GPR158: variants seen among roughly 807,000 people sequenced by gnomAD.
The protein encoded by GPR158 is G protein-coupled receptor 158.
GPR158 carries 30 observed loss-of-function variants against 78.2 expected under a neutral mutation model. The ratio of observed to expected loss-of-function variants is 0.38; its 90% confidence interval spans 0.29 to 0.52. The LOEUF (loss-of-function observed/expected upper bound fraction) is 0.52, where lower values mean the gene tolerates loss of function less well. GPR158 is among the 20% of genes least tolerant of loss of function. The probability of loss-of-function intolerance (pLI) is 0.83; values close to 1 mark genes in which losing one functional copy is unlikely to be tolerated. For synonymous variants in GPR158, 581 were observed against 591.1 expected (o/e 0.98, Z 0.25); for missense variants, 1,463 against 1,523.5 (o/e 0.96, Z 0.66).
At chr10:25,578,529 G>A (rs1162197426) in intron 7 of GPR158, among the ~76,000 whole-genome samples, 1 of 152,160 alleles carries the variant, frequency 6.6e-6, no homozygotes, top group Non-Finnish European at 1.5e-5. Context: ...ATAATTGCTG[G>A]CCATTTTATG....
intron 2 of GPR158, among the ~76,000 whole-genome samples, chr10:25,312,108 A>G (rs1013784170): frequency 1.3e-5 from 2 of 151,990 alleles, no homozygotes; most frequent in African/African-American, 4.8e-5. Context: ...AAAGTTGTGG[A>G]TATTTTCCTT....
intron 2 of GPR158, among the ~76,000 whole-genome samples, chr10:25,313,307 G>T (rs1189528412): frequency 6.6e-6 from 1 of 150,716 alleles, no homozygotes; most frequent in Non-Finnish European, 1.5e-5. Context: ...TAAATGACGA[G>T]TTAATGGGTG....
intron 7 of GPR158, among the ~76,000 whole-genome samples, chr10:25,576,288 G>C (rs147559659): frequency 1.3e-5 from 2 of 152,166 alleles, no homozygotes; most frequent in South Asian, 4.2e-4. Flanking sequence ...TATAAATGAC[G>C]ATGTACGGGA....
In GPR158 at chr10:25,529,031, C is replaced by T. The variant is rs539759883; in HGVS notation, c.1405-21945C>T. 5.9e-5 allele frequency among the ~76,000 whole-genome samples: 9 copies of T among 152,228 alleles called. 1 individual carries two copies. Among genetic ancestry groups the T allele is most frequent in the Admixed American group, 3.9e-4 (6 of 15,288 alleles). On this transcript the variant is annotated intron_variant, in intron 5 of 10. Transcript: ENST00000376351. The stretch of plus-strand genomic sequence containing the variant: ...AACAGGGAAAGTAAAGTCTTTTCAA[C>T]GAACGGTGCTGAAACAACTGGATAA...
chr10:25,515,485 C>A (rs1460491625), intron 5 of GPR158, among the ~76,000 whole-genome samples: 37 of 145,260 alleles, frequency 2.5e-4, no homozygotes, highest in African/African-American at 9.4e-4. Context: ...CGTCATCTAG[C>A]ATTAGGTATA....
intron 5 of GPR158, among the ~76,000 whole-genome samples, chr10:25,532,800 C>T (rs891141687): frequency 1.3e-5 from 2 of 151,466 alleles, no homozygotes; most frequent in Non-Finnish European, 2.9e-5. Context: ...TTGCCCCTTG[C>T]GTTCTCATTC....
intron 2 of GPR158, among the ~76,000 whole-genome samples, chr10:25,231,738 A>G (rs1210477696): frequency 6.6e-6 from 1 of 152,232 alleles, no homozygotes; most frequent in Non-Finnish European, 1.5e-5. Context: ...AGAGGTGAAT[A>G]TGGAGGATGG....
At chr10:25,453,821 T>C (rs983826410) in intron 4 of GPR158, among the ~76,000 whole-genome samples, 7 of 152,248 alleles carry the variant, frequency 4.6e-5, no homozygotes, top group African/African-American at 1.7e-4. Context: ...CATGCTGTTT[T>C]GATTACTATA....
intron 2 of GPR158, among the ~76,000 whole-genome samples, chr10:25,354,215 C>G (rs558324865): frequency 6.6e-6 from 1 of 151,684 alleles, no homozygotes; most frequent in South Asian, 2.1e-4. Flanking sequence ...ATTAGCCAGG[C>G]GTGGTGGCTC....
chr10:25,203,518 C>A (rs1163975106), intron 1 of GPR158, among the ~76,000 whole-genome samples: 3 of 151,534 alleles, frequency 2.0e-5, no homozygotes, highest in African/African-American at 4.9e-5. Flanking sequence ...GGACTCCTTT[C>A]CCCATTGCTT....
At chr10:25,485,697 A>G (rs959827134) in intron 5 of GPR158, among the ~76,000 whole-genome samples, 2 of 152,220 alleles carry the variant, frequency 1.3e-5, no homozygotes, top group Non-Finnish European at 2.9e-5. Flanking sequence ...AATACTTTAT[A>G]TAAATTATCT....
At chr10:25,540,536 C>T (rs1473080925) in intron 5 of GPR158, among the ~76,000 whole-genome samples, 1 of 152,068 alleles carries the variant, frequency 6.6e-6, no homozygotes, top group Non-Finnish European at 1.5e-5. Context: ...AGACTTGGAA[C>T]CAACCCAAAT....
chr10:25,366,481 G>A (rs888508967), intron 2 of GPR158, among the ~76,000 whole-genome samples: 2 of 151,522 alleles, frequency 1.3e-5, no homozygotes, highest in Admixed American at 6.6e-5. Context: ...TTACAACATG[G>A]TATTTTGATC....
At position 25,241,249 on chromosome 10, in the gene GPR158, C is replaced by CCTTT. The variant is rs756747164; in HGVS notation, c.1008+20098_1008+20101dup. ...TTTCTTTCCTTTCTTTCCTTTCTTTCCTTTCTTTCCTTTCTTTCTTTCCTT... is the reference window on the plus strand; with the variant it reads ...TTTCTTTCCTTTCTTTCCTTTCTTTCCTTTCTTTCTTTCCTTTCTTTCTTTCCTT... On this transcript the variant is annotated intron_variant, in intron 2 of 10. Transcript: ENST00000376351. Among the ~76,000 whole-genome samples the CCTTT allele has an allele frequency of 5.0e-3, 498 of 99,774 alleles. 13 individuals carry two copies. The highest frequency in any genetic ancestry group is 6.8e-3 in the African/African-American group (166 of 24,490). 65.5% of individuals were successfully genotyped at this position (99,774 alleles called of 152,430 possible).
At chr10:25,203,267 A>G (rs979898732) in intron 1 of GPR158, among the ~76,000 whole-genome samples, 1 of 152,088 alleles carries the variant, frequency 6.6e-6, no homozygotes, top group Non-Finnish European at 1.5e-5. Context: ...ATTAGATCCC[A>G]TTTGTCAATT....
chr10:25,577,613 A>G (rs1048468174), intron 7 of GPR158, among the ~76,000 whole-genome samples: 5 of 152,136 alleles, frequency 3.3e-5, no homozygotes, highest in Admixed American at 2.6e-4. Context: ...GGCTCATTCT[A>G]TTTTTGCTCA....
intron 3 of GPR158, among the ~76,000 whole-genome samples, chr10:25,405,690 G>C (rs1020225450): frequency 6.6e-6 from 1 of 151,058 alleles, no homozygotes; most frequent in Non-Finnish European, 1.5e-5. Context: ...GACATAGAGA[G>C]GGTTCTACTC....
chr10:25,419,649 A>G (rs1295532371), intron 4 of GPR158, among the ~76,000 whole-genome samples: 1 of 151,726 alleles, frequency 6.6e-6, no homozygotes, highest in African/African-American at 2.4e-5. Context: ...TACATTTGTC[A>G]TTTTCTGTTG....
intron 4 of GPR158, among the ~76,000 whole-genome samples, chr10:25,463,025 C>G (rs1456237379): frequency 1.3e-5 from 2 of 152,112 alleles, no homozygotes; most frequent in African/African-American, 4.8e-5. Flanking sequence ...AAGGAAGAGT[C>G]GACTGGTACA....
Sources: gnomAD v4.1 joint callset for allele counts (sites outside exome capture counted in the v4.1 genomes callset) on GRCh38, gnomAD v4.1.1 for gene constraint, MANE v1.5 for transcripts, NCBI Gene and HGNC (gene_info 2026-07-23, HGNC 2026-07-21) for gene names.